TBC1D19: variants seen among roughly 807,000 people sequenced by gnomAD.
TBC1D19 encodes the protein TBC1 domain family, member 19.
A neutral mutation model predicts 89.0 loss-of-function variants in TBC1D19; 60 were observed. That is an observed-to-expected ratio of 0.67 (90% CI 0.55 to 0.84). The LOEUF (loss-of-function observed/expected upper bound fraction) is 0.84, where lower values mean the gene tolerates loss of function less well. TBC1D19 is among the 40% of genes least tolerant of loss of function. TBC1D19 has a pLI of 0.00. For synonymous variants in TBC1D19, 189 were observed against 199.7 expected (o/e 0.95, Z 0.45); for missense variants, 500 against 610.8 (o/e 0.82, Z 1.91).
At chr4:26,604,160 T>C (rs566631725) in intron 1 of TBC1D19, among the ~76,000 whole-genome samples, 31 of 147,368 alleles carry the variant, frequency 2.1e-4, no homozygotes, top group East Asian at 1.4e-3. Flanking sequence ...TTTTTTTTTT[T>C]TTTTTTTTTT....
the TBC1D19 span, among the ~76,000 whole-genome samples, chr4:26,781,342 C>T: frequency 6.6e-6 from 1 of 152,162 alleles, no homozygotes; most frequent in East Asian, 1.9e-4. Flanking sequence ...GTCAGGTTAC[C>T]TGGTTCTCTG....
At chr4:26,855,030 A>C in the TBC1D19 span, among the ~76,000 whole-genome samples, 4 of 152,322 alleles carry the variant, frequency 2.6e-5, no homozygotes, top group East Asian at 7.7e-4. Flanking sequence ...AGTGGTCTCC[A>C]CTATGGAGGC....
intron 19 of TBC1D19, among the ~76,000 whole-genome samples, chr4:26,749,162 A>G (rs1560511818): frequency 6.6e-6 from 1 of 152,202 alleles, no homozygotes; most frequent in Non-Finnish European, 1.5e-5. Context: ...GCCCAAGGCA[A>G]TTATATGATT....
At chr4:26,847,195 C>T in the TBC1D19 span, among the ~76,000 whole-genome samples, 1 of 152,144 alleles carries the variant, frequency 6.6e-6, no homozygotes, top group African/African-American at 2.4e-5. Context: ...AAATGCCTAC[C>T]TTGATGGAAC....
At chr4:26,694,898 AC>A (rs2109183366) in intron 13 of TBC1D19, among the ~76,000 whole-genome samples, 1 of 152,332 alleles carries the variant, frequency 6.6e-6, no homozygotes, top group East Asian at 1.9e-4. Context: ...TCTATACGTC[AC>A]CATCATCAAA....
At chr4:26,763,104 C>T in the TBC1D19 span, among the ~76,000 whole-genome samples, 12 of 152,076 alleles carry the variant, frequency 7.9e-5, no homozygotes, top group Admixed American at 7.2e-4. Flanking sequence ...TTTTAATAAC[C>T]CTTTTTATAA....
intron 15 of TBC1D19, among the ~76,000 whole-genome samples, chr4:26,734,800 G>A (rs1363307667): frequency 2.0e-5 from 3 of 151,984 alleles, no homozygotes; most frequent in Non-Finnish European, 4.4e-5. Flanking sequence ...TTGACTTTCT[G>A]AGACCATTAT....
At chr4:26,603,689 A>G (rs1271902562) in intron 1 of TBC1D19, among the ~76,000 whole-genome samples, 1 of 152,210 alleles carries the variant, frequency 6.6e-6, no homozygotes, top group Non-Finnish European at 1.5e-5. Context: ...AAAATGTAAA[A>G]CAGTGCCTCT....
rs901548900 is a variant in TBC1D19 at position 26,672,314 on chromosome 4, T to C, written c.703+127T>C. 12 of 721,376 alleles carry C rather than the reference T, an allele frequency of 1.7e-5. No homozygotes were observed. In the African/African-American group the frequency reaches 2.3e-4, roughly 14 times the overall value. 44.7% of individuals were successfully genotyped at this position (721,376 alleles called of 1,614,324 possible). A position where few individuals can be genotyped will look rare whatever the true frequency, so the allele number is the denominator to read the frequency against. The stretch of plus-strand genomic sequence containing the variant: ...GTGAAAAACCTAAAGAGGGGTAATA[T>C]TTAACCATGTAGATTACATAATGAG... On this transcript the variant is annotated intron_variant, in intron 10 of 20. Coordinates refer to ENST00000264866, the MANE Select transcript of TBC1D19 (RefSeq NM_018317.4).
At chr4:26,631,614 G>A (rs1742812083) in intron 4 of TBC1D19, among the ~76,000 whole-genome samples, 3 of 151,720 alleles carry the variant, frequency 2.0e-5, no homozygotes. Context: ...CTCTGTTCCG[G>A]GTCATTTCTA....
chr4:26,708,829 T>C (rs1404251512), intron 13 of TBC1D19, among the ~76,000 whole-genome samples: 1 of 152,048 alleles, frequency 6.6e-6, no homozygotes, highest in African/African-American at 2.4e-5. Context: ...TTTTTTGGTT[T>C]GCTATCTCTT....
the TBC1D19 span, among the ~76,000 whole-genome samples, chr4:26,814,858 C>A: frequency 6.6e-6 from 1 of 152,078 alleles, no homozygotes; most frequent in African/African-American, 2.4e-5. Flanking sequence ...CTCGTCTCTA[C>A]AAAATTTCAG....
Position 26,742,566 on chromosome 4 carries a change from T to C in TBC1D19, c.1286T>C (p.Leu429Pro). 1 of 1,612,412 alleles carries C rather than the reference T, an allele frequency of 6.2e-7. No homozygotes were observed. The highest frequency in any genetic ancestry group is 8.5e-7 in the Non-Finnish European group (1 of 1,179,032). Reference sequence around the variant, plus strand: ...CTTCTTCAAACTTATCTTCCCCAACTCTTTTATCATCTACGAGAAATTGGG... The same window carrying C: ...CTTCTTCAAACTTATCTTCCCCAACCCTTTTATCATCTACGAGAAATTGGG... ...ETLLQTYLPQ[L>P]FYHLREIGAQ... The change falls in exon 18 of 21, where the codon CTC becomes CCC. Residue 429 changes from leucine to proline, a missense_variant. Around this residue, in one of 2 missense-constraint regions of TBC1D19, gnomAD observed 220 missense variants for 319.1 expected, o/e 0.69. Transcript: ENST00000264866.
chr4:26,815,809 T>G, the TBC1D19 span, among the ~76,000 whole-genome samples: 1 of 152,244 alleles, frequency 6.6e-6, no homozygotes, highest in Non-Finnish European at 1.5e-5. Flanking sequence ...AAAACAGAGT[T>G]AATCTCTTTT....
intron 13 of TBC1D19, among the ~76,000 whole-genome samples, chr4:26,689,996 A>C (rs1714133154): frequency 6.6e-6 from 1 of 152,252 alleles, no homozygotes; most frequent in South Asian, 2.1e-4. Context: ...CAAGTTGTAA[A>C]TGCAAACGAA....
chr4:26,852,423 A>G, the TBC1D19 span, among the ~76,000 whole-genome samples: 1 of 152,104 alleles, frequency 6.6e-6, no homozygotes, highest in South Asian at 2.1e-4. Context: ...TGGGTGTGGT[A>G]GTACATGCCT....
intron 9 of TBC1D19, among the ~76,000 whole-genome samples, chr4:26,668,008 T>C (rs1028427296): frequency 3.3e-5 from 5 of 151,996 alleles, no homozygotes; most frequent in Non-Finnish European, 7.4e-5. Context: ...AAGTAGAGGA[T>C]GTGGAGATGT....
At chr4:26,603,993 AC>A (rs1740795311) in intron 1 of TBC1D19, among the ~76,000 whole-genome samples, 2 of 152,178 alleles carry the variant, frequency 1.3e-5, no homozygotes, top group South Asian at 4.1e-4. Context: ...TGTAGTAACC[AC>A]CATTCTATGG....
chr4:26,824,019 A>G, the TBC1D19 span, among the ~76,000 whole-genome samples: 12 of 152,314 alleles, frequency 7.9e-5, no homozygotes, highest in South Asian at 2.3e-3. Context: ...TCACAGGGCT[A>G]TTTGATTGGA....
Sources: allele counts gnomAD v4.1 joint callset (sites outside exome capture counted in the v4.1 genomes callset), GRCh38; gene constraint gnomAD v4.1.1; regional missense constraint gnomAD v4.1.1; transcripts MANE v1.5; gene names NCBI Gene and HGNC (gene_info 2026-07-23, HGNC 2026-07-21).